The following PJA2 variants were observed in gnomAD, a reference collection of about 807,000 sequenced individuals.
PJA2 encodes E3 ubiquitin-protein ligase Praja-2.
PJA2 carries 25 observed loss-of-function variants against 69.3 expected under a neutral mutation model. That is an observed-to-expected ratio of 0.36 (90% CI 0.26 to 0.50). The LOEUF is 0.50. Ranked by LOEUF, PJA2 falls within the 20% of genes least tolerant of loss-of-function variation. The pLI, the probability that PJA2 is intolerant of heterozygous loss-of-function variation, is 0.96. For missense variants in PJA2, 809 were observed against 830.2 expected (o/e 0.97, Z 0.31); for synonymous variants, 308 against 277.8 (o/e 1.11, Z -1.08).
At chr5:109,342,568 GT>G (rs1329405320) in intron 9 of PJA2, among the ~76,000 whole-genome samples, 1 of 103,098 alleles carries the variant, frequency 9.7e-6, no homozygotes. Context: ...CGTCCGGGAG[GT>G]GAGGGGCGCC....
intron 1 of PJA2, among the ~76,000 whole-genome samples, chr5:109,404,822 G>A (rs1427459083): frequency 1.3e-5 from 2 of 152,184 alleles, no homozygotes; most frequent in African/African-American, 2.4e-5. Context: ...AAGCATTCAA[G>A]CTATAGCACC....
chr5:109,353,310 T>C (rs1762304367), intron 7 of PJA2, among the ~76,000 whole-genome samples: 1 of 139,724 alleles, frequency 7.2e-6, no homozygotes. Context: ...ATCTATAATA[T>C]CTATAGATAT....
At chr5:109,397,886 T>C (rs1747453847) in intron 1 of PJA2, among the ~76,000 whole-genome samples, 1 of 152,040 alleles carries the variant, frequency 6.6e-6, no homozygotes, top group Non-Finnish European at 1.5e-5. Context: ...TGCTAGGGTA[T>C]GAGTAAAAGA....
chr5:109,391,652 T>C (rs1747284657), intron 1 of PJA2, among the ~76,000 whole-genome samples: 3 of 151,692 alleles, frequency 2.0e-5, no homozygotes, highest in African/African-American at 7.3e-5. Context: ...AAATAAAAAG[T>C]TTAAGAATTG....
intron 9 of PJA2, among the ~76,000 whole-genome samples, chr5:109,337,916 T>A (rs983556030): frequency 6.6e-6 from 1 of 152,102 alleles, no homozygotes; most frequent in Non-Finnish European, 1.5e-5. Flanking sequence ...CTTCAGACTT[T>A]CTTTCTAAGC....
At chr5:109,338,844 G>A (rs747970746) in intron 9 of PJA2, among the ~76,000 whole-genome samples, 5 of 152,058 alleles carry the variant, frequency 3.3e-5, no homozygotes, top group Non-Finnish European at 7.3e-5. Flanking sequence ...GTACTGTGAG[G>A]ATTAAAGGAG....
intron 7 of PJA2, among the ~76,000 whole-genome samples, chr5:109,352,286 T>C (rs1762267196): frequency 1.3e-5 from 2 of 152,196 alleles, no homozygotes; most frequent in South Asian, 4.1e-4. Context: ...CATTCCCCAC[T>C]AGTAATAAAT....
At chr5:109,393,606 C>G in intron 1 of PJA2, among the ~76,000 whole-genome samples, 1 of 151,918 alleles carries the variant, frequency 6.6e-6, no homozygotes, top group Non-Finnish European at 1.5e-5. Flanking sequence ...TGCATTCTGG[C>G]CTGGGCAACA....
chr5:109,409,816 T>TGAA (rs1747790266), intron 1 of PJA2, 26 bp downstream of exon 1: 1 of 129,208 alleles, frequency 7.7e-6, no homozygotes, highest in East Asian at 2.2e-4. Flanking sequence ...CAAGCCAGAC[T>TGAA]GAAAAAAAAA....
chr5:109,393,292 AC>A (rs528377048), intron 1 of PJA2, among the ~76,000 whole-genome samples: 196 of 152,330 alleles, frequency 1.3e-3, no homozygotes, highest in African/African-American at 4.6e-3. Context: ...ATCATTACAC[AC>A]CGGAGATAAA....
intron 7 of PJA2, among the ~76,000 whole-genome samples, chr5:109,350,194 T>C (rs1218415775): frequency 6.6e-6 from 1 of 152,014 alleles, no homozygotes; most frequent in Non-Finnish European, 1.5e-5. Flanking sequence ...ATTGCCTTGG[T>C]ACTGTCATAT....
rs756991775 is a variant in PJA2, at chr5:109,335,724, C to T, written c.*1507G>A. 2.6e-5 allele frequency: 4 copies of T among 152,494 alleles called. No individual in the cohort carries two copies. Among genetic ancestry groups the T allele is most frequent in the Non-Finnish European group, 4.4e-5 (3 of 67,978 alleles). 9.4% of individuals were successfully genotyped at this position (152,494 alleles called of 1,614,324 possible). A position where few individuals can be genotyped will look rare whatever the true frequency, so the allele number is the denominator to read the frequency against. On this transcript the variant is annotated 3_prime_UTR_variant, in exon 10 of 10. Coordinates refer to ENST00000361189, the MANE Select transcript of PJA2 (RefSeq NM_014819.5). ...AACAAGCAAAGATTAGTTTATACAA[C>T]AGTGACTATATACATCAGAGGGAAA...
At chr5:109,406,919 A>G (rs1458568362) in intron 1 of PJA2, among the ~76,000 whole-genome samples, 2 of 152,232 alleles carry the variant, frequency 1.3e-5, no homozygotes, top group African/African-American at 4.8e-5. Flanking sequence ...GCCAAGAGAA[A>G]AAGCCAGATA....
chr5:109,389,177 ATCTT>A (rs1747229548), intron 1 of PJA2, among the ~76,000 whole-genome samples: 2 of 152,168 alleles, frequency 1.3e-5, no homozygotes, highest in African/African-American at 4.8e-5. Context: ...ATGCAAATAA[ATCTT>A]TCTATCTTCT....
At chr5:109,388,019 G>A (rs1027105246) in intron 1 of PJA2, among the ~76,000 whole-genome samples, 5 of 152,216 alleles carry the variant, frequency 3.3e-5, no homozygotes, top group Admixed American at 1.3e-4. Flanking sequence ...ATTTAGGCAA[G>A]TTAATAAACT....
intron 9 of PJA2, among the ~76,000 whole-genome samples, chr5:109,337,967 C>T (rs1476060345): frequency 6.6e-6 from 1 of 151,968 alleles, no homozygotes; most frequent in Non-Finnish European, 1.5e-5. Flanking sequence ...GTGTTAGGTG[C>T]CTTCTAAATG....
At chr5:109,342,279 A>C in intron 9 of PJA2, among the ~76,000 whole-genome samples, 1 of 73,060 alleles carries the variant, frequency 1.4e-5, no homozygotes, top group Non-Finnish European at 2.7e-5. Flanking sequence ...CCTACTGGGA[A>C]GTGAGGAGCC....
At chr5:109,357,385 A>G (rs1279987742) in intron 6 of PJA2, among the ~76,000 whole-genome samples, 1 of 152,096 alleles carries the variant, frequency 6.6e-6, no homozygotes, top group African/African-American at 2.4e-5. Flanking sequence ...TGGTTCTTGA[A>G]AAGAGTAATG....
intron 1 of PJA2, among the ~76,000 whole-genome samples, chr5:109,397,352 T>C (rs1364151066): frequency 1.3e-5 from 2 of 152,240 alleles, no homozygotes; most frequent in East Asian, 3.9e-4. Context: ...CTATAAAAAG[T>C]TAATTTTAGA....
Sources: allele counts gnomAD v4.1 joint callset (sites outside exome capture counted in the v4.1 genomes callset), GRCh38; gene constraint gnomAD v4.1.1; transcripts MANE v1.5; gene names NCBI Gene and HGNC (gene_info 2026-07-23, HGNC 2026-07-21).